The following GRID2 variants were observed in gnomAD, a reference collection of about 807,000 sequenced individuals.
GRID2 encodes the protein glutamate receptor ionotropic, delta-2.
GRID2 carries 33 observed loss-of-function variants against 114.8 expected under a neutral mutation model. The observed-to-expected ratio is 0.29, with a 90% CI of 0.22 to 0.38. The LOEUF (loss-of-function observed/expected upper bound fraction) is 0.38, where lower values mean the gene tolerates loss of function less well. Among genes scored for constraint, GRID2 ranks in the 10% least tolerant of loss-of-function variants. The pLI is 1.00. For synonymous variants in GRID2, 505 were observed against 449.9 expected, an observed-to-expected ratio of 1.12 and a Z score of -1.55; for missense variants, 1,184 against 1,257.7, an observed-to-expected ratio of 0.94 and a Z score of 0.89.
At chr4:93,190,132 T>C (rs778300211) in intron 4 of GRID2, among the ~76,000 whole-genome samples, 1 of 152,142 alleles carries the variant, frequency 6.6e-6, no homozygotes, top group African/African-American at 2.4e-5. Flanking sequence ...TCATAATTTG[T>C]TACCTAAATT....
intron 10 of GRID2, among the ~76,000 whole-genome samples, chr4:93,428,490 G>A (rs561486554): frequency 6.6e-6 from 1 of 151,916 alleles, no homozygotes; most frequent in Non-Finnish European, 1.5e-5. Flanking sequence ...CAGAAAAAAA[G>A]ATTTTATACC....
intron 2 of GRID2, among the ~76,000 whole-genome samples, chr4:92,871,923 A>G (rs1408085825): frequency 6.6e-6 from 1 of 152,124 alleles, no homozygotes. Context: ...TTTCAGAGAG[A>G]GTAAGTCCTA....
At chr4:93,775,457 T>C (rs1734350609), downstream of GRID2, among the ~76,000 whole-genome samples, 1 of 152,198 alleles carries the variant, frequency 6.6e-6, no homozygotes, top group Admixed American at 6.5e-5. Context: ...TCCTTCCTTG[T>C]TTGGGACACA....
At chr4:93,254,038 C>A (rs1226389269) in intron 8 of GRID2, among the ~76,000 whole-genome samples, 1 of 151,808 alleles carries the variant, frequency 6.6e-6, no homozygotes, top group Non-Finnish European at 1.5e-5. Flanking sequence ...AATAATCTAC[C>A]AAAGTTATAT....
At position 93,018,646 on chromosome 4, in the gene GRID2, A is replaced by G. The variant is rs188171112; in HGVS notation, c.245-66349A>G. ...AGAATACTCAAAATTGAGTATATCA[A>G]TTTCAAAATTGAGTATATCAATAAT... is the stretch of plus-strand genomic sequence containing the variant. On this transcript the variant is annotated intron_variant, in intron 2 of 15. Coordinates refer to ENST00000282020, the MANE Select transcript of GRID2 (RefSeq NM_001510.4). 4.6e-3 allele frequency among the ~76,000 whole-genome samples: 699 copies of G among 151,840 alleles called. 7 individuals carry two copies. Among genetic ancestry groups the G allele is most frequent in the African/African-American group, 0.016 (668 of 41,152 alleles).
At chr4:92,408,234 G>A (rs769261216) in intron 1 of GRID2, among the ~76,000 whole-genome samples, 6 of 151,838 alleles carry the variant, frequency 4.0e-5, no homozygotes, top group Non-Finnish European at 7.4e-5. Flanking sequence ...TATTGATTTT[G>A]TTAAAGATCA....
chr4:92,772,111 C>T (rs1738573505), intron 2 of GRID2, among the ~76,000 whole-genome samples: 1 of 152,154 alleles, frequency 6.6e-6, no homozygotes, highest in Non-Finnish European at 1.5e-5. Context: ...AAAACACTGC[C>T]TCTGCCTCAC....
chr4:93,028,752 C>A (rs369215701), intron 2 of GRID2, among the ~76,000 whole-genome samples: 1 of 151,984 alleles, frequency 6.6e-6, no homozygotes, highest in East Asian at 1.9e-4. Flanking sequence ...CCTATACTTT[C>A]ATTTTACTCC....
chr4:93,124,938 G>A (rs775105446), intron 4 of GRID2, among the ~76,000 whole-genome samples: 48 of 152,184 alleles, frequency 3.2e-4, no homozygotes, highest in Admixed American at 7.2e-4. Flanking sequence ...GTCCTTTAAT[G>A]TTCTGGCTAA....
intron 4 of GRID2, among the ~76,000 whole-genome samples, chr4:93,173,983 C>T (rs1739100815): frequency 6.6e-6 from 1 of 152,100 alleles, no homozygotes; most frequent in Non-Finnish European, 1.5e-5. Flanking sequence ...TAAAAATTCA[C>T]AGGTAGTCAT....
At chr4:92,562,301 T>G (rs1171497746) in intron 1 of GRID2, among the ~76,000 whole-genome samples, 2 of 152,184 alleles carry the variant, frequency 1.3e-5, no homozygotes, top group East Asian at 3.8e-4. Context: ...TTATTCTGAT[T>G]TTCCCCAAGG....
intron 2 of GRID2, among the ~76,000 whole-genome samples, chr4:92,981,251 T>C (rs1274270440): frequency 2.6e-5 from 4 of 152,060 alleles, no homozygotes; most frequent in African/African-American, 2.4e-5. Flanking sequence ...ACAGTCCCAA[T>C]AGAATAATAA....
chr4:93,045,541 G>A (rs72665240), intron 2 of GRID2, among the ~76,000 whole-genome samples: 39 of 152,188 alleles, frequency 2.6e-4, no homozygotes, highest in Non-Finnish European at 4.0e-4. Flanking sequence ...AAGAAATATT[G>A]CCATGAAACA....
chr4:93,736,306 C>T (rs528301897), intron 14 of GRID2, among the ~76,000 whole-genome samples: 19 of 152,032 alleles, frequency 1.2e-4, no homozygotes, highest in Admixed American at 8.5e-4. Context: ...CTAGGCACTC[C>T]TCTAAGCATC....
intron 8 of GRID2, among the ~76,000 whole-genome samples, chr4:93,337,279 C>T (rs1264092150): frequency 6.6e-6 from 1 of 152,028 alleles, no homozygotes; most frequent in Non-Finnish European, 1.5e-5. Context: ...AGAAATTAAC[C>T]TTCCGCAGTT....
chr4:92,924,604 C>T (rs993009639), intron 2 of GRID2, among the ~76,000 whole-genome samples: 2 of 152,022 alleles, frequency 1.3e-5, no homozygotes, highest in Non-Finnish European at 2.9e-5. Flanking sequence ...GTAGATAGAT[C>T]GGTCCATGCC....
intron 2 of GRID2, among the ~76,000 whole-genome samples, chr4:92,787,192 T>A (rs1270736861): frequency 6.6e-6 from 1 of 151,902 alleles, no homozygotes; most frequent in African/African-American, 2.4e-5. Flanking sequence ...CTAAGTTACT[T>A]TGATAAACAT....
At chr4:93,122,719 T>TA (rs796479233) in intron 4 of GRID2, among the ~76,000 whole-genome samples, 44 of 150,512 alleles carry the variant, frequency 2.9e-4, no homozygotes, top group African/African-American at 5.4e-4. Flanking sequence ...ATAACTGGCT[T>TA]AAAAAAAAAC....
intron 1 of GRID2, among the ~76,000 whole-genome samples, chr4:92,391,379 T>G (rs1730231340): frequency 6.6e-6 from 1 of 152,180 alleles, no homozygotes; most frequent in Non-Finnish European, 1.5e-5. Flanking sequence ...AAAGTCATAA[T>G]ATATGTAAAG....
Sources: allele counts gnomAD v4.1 joint callset (sites outside exome capture counted in the v4.1 genomes callset), GRCh38; gene constraint gnomAD v4.1.1; transcripts MANE v1.5; gene names NCBI Gene and HGNC (gene_info 2026-07-23, HGNC 2026-07-21).